STPG2: variants seen among roughly 807,000 people sequenced by gnomAD.
STPG2 encodes sperm tail PG-rich repeat containing 2.
STPG2 carries 56 observed loss-of-function variants against 54.2 expected under a neutral mutation model. That is an observed-to-expected ratio of 1.03 (90% CI 0.83 to 1.29). The LOEUF (loss-of-function observed/expected upper bound fraction) is 1.29. STPG2 is among the 50% of genes most tolerant of loss of function. The probability of loss-of-function intolerance (pLI) is 0.00; values close to 1 mark genes in which losing one functional copy is unlikely to be tolerated. For missense variants in STPG2, 596 were observed against 544.9 expected, an observed-to-expected ratio of 1.09 and a Z score of -0.93; for synonymous variants, 200 against 181.8, an observed-to-expected ratio of 1.10 and a Z score of -0.81.
chr4:98,064,183 A>G (rs1354120533), intron 5 of STPG2, among the ~76,000 whole-genome samples: 1 of 152,240 alleles, frequency 6.6e-6, no homozygotes, highest in Non-Finnish European at 1.5e-5. Flanking sequence ...AAATTATAAA[A>G]GTCAACAAAT....
intron 5 of STPG2, among the ~76,000 whole-genome samples, chr4:98,029,166 T>C (rs1736517920): frequency 6.6e-6 from 1 of 152,154 alleles, no homozygotes; most frequent in South Asian, 2.1e-4. Context: ...TATTTAAACA[T>C]ATTGGGTGGC....
intron 9 of STPG2, among the ~76,000 whole-genome samples, chr4:97,745,244 T>TAAA (rs747883049): frequency 2.1e-5 from 3 of 141,708 alleles, no homozygotes. Context: ...GGCATAAAAC[T>TAAA]AAAAAAAAAA....
rs562908579 is a variant in STPG2, at chr4:97,699,767, C to T, written c.1320+12932G>A. On this transcript the variant is annotated intron_variant, in intron 10 of 10. Transcript: ENST00000295268. ...AGGCCCTAGTCTTCTCTTTCTCTGT[C>T]AACTAATCATAAGGAACTCCCCATG... Among the ~76,000 whole-genome samples, 6 of 152,292 alleles carry T rather than the reference C, an allele frequency of 3.9e-5. No individual in the cohort carries two copies. In the South Asian group the frequency reaches 8.3e-4, roughly 21 times the overall value.
intron 8 of STPG2, among the ~76,000 whole-genome samples, chr4:97,843,355 G>A (rs981303629): frequency 1.3e-5 from 2 of 151,674 alleles, no homozygotes; most frequent in African/African-American, 2.4e-5. Context: ...CATGAATCCT[G>A]GTCATAGGCT....
chr4:97,766,719 T>C (rs544017949), intron 9 of STPG2, among the ~76,000 whole-genome samples: 12 of 152,202 alleles, frequency 7.9e-5, no homozygotes, highest in Admixed American at 2.6e-4. Context: ...AAAATAACTC[T>C]TTAGTAAGTT....
chr4:97,966,100 G>C lies in STPG2; in HGVS notation c.933+6180C>G, dbSNP rs190728271. Among the ~76,000 whole-genome samples the C allele has an allele frequency of 2.4e-4, 36 of 152,246 alleles. 1 individual carries two copies. The highest frequency in any genetic ancestry group is 7.7e-4 in the African/African-American group (32 of 41,554). On this transcript the variant is annotated intron_variant, in intron 7 of 10. Transcript: ENST00000295268. ...TTCTCCGAGCTAAAGGAGCATGTTT[G>C]AGCCCATCACAAGCAAGCTAGCTAA...
chr4:97,810,150 T>C (rs1727690380), intron 9 of STPG2, among the ~76,000 whole-genome samples: 1 of 152,134 alleles, frequency 6.6e-6, no homozygotes, highest in Admixed American at 6.5e-5. Context: ...TATTTACATA[T>C]GGACTAAATC....
chr4:97,840,032 G>T (rs1440689658), intron 9 of STPG2, among the ~76,000 whole-genome samples: 1 of 151,516 alleles, frequency 6.6e-6, no homozygotes, highest in East Asian at 1.9e-4. Context: ...TTCATTTCCA[G>T]CAAGTGTTAC....
intron 8 of STPG2, among the ~76,000 whole-genome samples, chr4:97,928,233 C>A (rs116316085): frequency 1.4e-4 from 21 of 152,292 alleles, no homozygotes; most frequent in Non-Finnish European, 2.8e-4. Context: ...TCTGGTAGGG[C>A]AAATGCCCTT....
chr4:97,767,381 C>A (rs1726086874), intron 9 of STPG2, among the ~76,000 whole-genome samples: 1 of 152,024 alleles, frequency 6.6e-6, no homozygotes, highest in Non-Finnish European at 1.5e-5. Flanking sequence ...CATTTATCCT[C>A]AACAAAATGG....
chr4:97,883,223 G>A (rs1467029067), intron 8 of STPG2, among the ~76,000 whole-genome samples: 2 of 151,146 alleles, frequency 1.3e-5, no homozygotes, highest in Admixed American at 1.3e-4. Flanking sequence ...ATACATATAT[G>A]TATATATTTT....
chr4:97,587,889 T>G (rs1348032937), intron 10 of STPG2, among the ~76,000 whole-genome samples: 1 of 151,988 alleles, frequency 6.6e-6, no homozygotes, highest in Admixed American at 6.6e-5. Flanking sequence ...TCAGTGTATT[T>G]ACAGGGATCC....
At chr4:97,607,077 A>C (rs1733613610) in intron 10 of STPG2, among the ~76,000 whole-genome samples, 1 of 152,060 alleles carries the variant, frequency 6.6e-6, no homozygotes. Context: ...TTCAATAAAT[A>C]ACTTCATTGA....
intron 10 of STPG2, among the ~76,000 whole-genome samples, chr4:97,579,050 G>A (rs1255272372): frequency 6.6e-6 from 1 of 152,070 alleles, no homozygotes; most frequent in Non-Finnish European, 1.5e-5. Flanking sequence ...GTTTAAGTGA[G>A]AAAAGAAGAA....
At chr4:97,467,744 A>C (rs1729823271) in intron 4 of STPG2, among the ~76,000 whole-genome samples, 2 of 151,924 alleles carry the variant, frequency 1.3e-5, no homozygotes, top group South Asian at 4.1e-4. Flanking sequence ...GGCTAATGCA[A>C]AATAATTAGA....
intron 7 of STPG2, among the ~76,000 whole-genome samples, chr4:97,946,560 G>T (rs1183565396): frequency 6.6e-6 from 1 of 151,946 alleles, no homozygotes; most frequent in Non-Finnish European, 1.5e-5. Context: ...ATCTTGAGTT[G>T]CTTTTTATAT....
At chr4:97,986,567 T>C (rs1002519364) in intron 5 of STPG2, among the ~76,000 whole-genome samples, 2 of 152,186 alleles carry the variant, frequency 1.3e-5, no homozygotes, top group Non-Finnish European at 2.9e-5. Flanking sequence ...CTCCACACAT[T>C]CATTGGCAAA....
intron 10 of STPG2, among the ~76,000 whole-genome samples, chr4:97,566,288 A>G (rs1732438638): frequency 1.3e-5 from 2 of 152,148 alleles, no homozygotes; most frequent in South Asian, 2.1e-4. Context: ...AGCCCGTTGG[A>G]AAAGCACAGT....
intron 10 of STPG2, among the ~76,000 whole-genome samples, chr4:97,616,061 T>TAC (rs1560686867): frequency 2.0e-5 from 1 of 49,136 alleles, no homozygotes; most frequent in Non-Finnish European, 3.9e-5. Flanking sequence ...CATATAAATA[T>TAC]ATATATATAT....
Sources: gnomAD v4.1 joint callset for allele counts (sites outside exome capture counted in the v4.1 genomes callset) on GRCh38, gnomAD v4.1.1 for gene constraint, MANE v1.5 for transcripts, NCBI Gene and HGNC (gene_info 2026-07-23, HGNC 2026-07-21) for gene names.